The following GNPDA2 variants were observed in gnomAD, a reference collection of about 807,000 sequenced individuals.
The protein encoded by GNPDA2 is glucosamine-6-phosphate deaminase 2, also known as glcN6P deaminase 2.
A neutral mutation model predicts 27.0 loss-of-function variants in GNPDA2; 24 were observed. The observed-to-expected ratio is 0.89, with a 90% CI of 0.64 to 1.25. GNPDA2 has a LOEUF of 1.25. GNPDA2 is among the 50% of genes most tolerant of loss of function. The pLI is 0.00. For synonymous variants in GNPDA2, 94 were observed against 108.4 expected (o/e 0.87, Z 0.83); for missense variants, 286 against 335.1 (o/e 0.85, Z 1.14).
intron 1 of GNPDA2, among the ~76,000 whole-genome samples, chr4:44,723,623 C>A (rs1717821542): frequency 6.6e-6 from 1 of 152,156 alleles, no homozygotes; most frequent in African/African-American, 2.4e-5. Context: ...TTTATCCAAT[C>A]ATTCACTGAT....
rs183888303 is a variant in GNPDA2 at position 44,705,502 on chromosome 4, A to T, written c.769+2250T>A. The T allele has an allele frequency of 1.8e-4, 179 of 984,470 alleles. 1 individual carries two copies. The African/African-American group carries it at 2.1e-3, about 12-fold the overall frequency. The allele number at this position is 984,470 out of a possible 1,614,324, so 61.0% of individuals were successfully genotyped here. On this transcript the variant is annotated intron_variant, in intron 6 of 6. Transcript: ENST00000295448. ...CCTCTCACGAATGGTCTGTTTCAAA[A>T]TTTTTCAGAAGAGCTTACAATTAGA...
At chr4:44,719,978 T>A (rs754659482) in intron 2 of GNPDA2, among the ~76,000 whole-genome samples, 9 of 151,958 alleles carry the variant, frequency 5.9e-5, no homozygotes, top group Non-Finnish European at 1.0e-4. Flanking sequence ...ACATTATAAA[T>A]AATCTAAAAG....
rs1014549315 is a variant in GNPDA2, at chr4:44,702,096, T to A, written c.*985A>T. ...AATGAATGCAGGTTCACATGTACTATAATTGTTGGGAGTCGAATGCATGTA... is the reference window on the plus strand; with the variant it reads ...AATGAATGCAGGTTCACATGTACTAAAATTGTTGGGAGTCGAATGCATGTA... On this transcript the variant is annotated 3_prime_UTR_variant, in exon 7 of 7. Coordinates refer to ENST00000295448, the MANE Select transcript of GNPDA2 (RefSeq NM_138335.3). 1 of 982,758 alleles carries A rather than the reference T, an allele frequency of 1.0e-6. No homozygotes were observed. The highest frequency in any genetic ancestry group is 1.2e-6 in the Non-Finnish European group (1 of 827,280). 60.9% of individuals were successfully genotyped at this position (982,758 alleles called of 1,614,324 possible). A position where few individuals can be genotyped will look rare whatever the true frequency, so the allele number is the denominator to read the frequency against.
In GNPDA2 at chr4:44,717,056, T is replaced by TA. The variant is rs775921688; in HGVS notation, c.409+56dup. On this transcript the variant is annotated intron_variant, in intron 4 of 6. Coordinates refer to ENST00000295448, the MANE Select transcript of GNPDA2 (RefSeq NM_138335.3). ...AATGGGAAGATTTATTTTTTAAATT[T>TA]AAAAATCCCTAATTCAAACACTAAC... is the stretch of plus-strand genomic sequence containing the variant. 1.4e-5 allele frequency: 18 copies of TA among 1,261,106 alleles called. No homozygotes were observed. The East Asian group carries it at 4.1e-4, about 29-fold the overall frequency. The allele number at this position is 1,261,106 out of a possible 1,614,324, so 78.1% of individuals were successfully genotyped here. A position where few individuals can be genotyped will look rare whatever the true frequency, so the allele number is the denominator to read the frequency against.
At chr4:44,711,201 C>T (rs1019777993) in intron 4 of GNPDA2, 64 bp from the exon 5 acceptor site, 31 of 991,632 alleles carry the variant, frequency 3.1e-5, no homozygotes, top group South Asian at 6.1e-5. Flanking sequence ...GTTCAATGTG[C>T]GTTAAAGAAC....
chr4:44,723,655 A>G (rs1160595862), intron 1 of GNPDA2, among the ~76,000 whole-genome samples: 1 of 152,074 alleles, frequency 6.6e-6, no homozygotes, highest in Non-Finnish European at 1.5e-5. Flanking sequence ...TTGATTTCTT[A>G]TCTTTGCTAC....
chr4:44,701,808 G>A lies in GNPDA2; in HGVS notation c.*1273C>T. 1.0e-6 allele frequency: 1 copy of A among 983,786 alleles called. No individual in the cohort carries two copies. The highest frequency in any genetic ancestry group is 1.2e-6 in the Non-Finnish European group (1 of 828,592). The allele number at this position is 983,786 out of a possible 1,614,324, so 60.9% of individuals were successfully genotyped here. ...TTATAAGGCTATTAAAACATCATCT[G>A]GAATTAAAGCAGCATAATTTACCCC... On this transcript the variant is annotated 3_prime_UTR_variant, in exon 7 of 7. Transcript: ENST00000295448.
intron 1 of GNPDA2, among the ~76,000 whole-genome samples, chr4:44,724,757 G>T (rs1717907886): frequency 1.3e-5 from 2 of 151,996 alleles, no homozygotes; most frequent in Non-Finnish European, 2.9e-5. Flanking sequence ...TAACAGTTTC[G>T]AATTCTGACA....
chr4:44,715,254 C>A (rs546128839), intron 4 of GNPDA2, among the ~76,000 whole-genome samples: 13 of 152,190 alleles, frequency 8.5e-5, no homozygotes, highest in African/African-American at 2.9e-4. Context: ...GGAAGGCAGG[C>A]AAAGGAATAA....
chr4:44,707,742 C>A lies in GNPDA2; in HGVS notation c.769+10G>T. 1 of 1,608,738 alleles carries A rather than the reference C, an allele frequency of 6.2e-7. No individual in the cohort carries two copies. Among genetic ancestry groups the A allele is most frequent in the Non-Finnish European group, 8.5e-7 (1 of 1,176,376 alleles). On this transcript the variant is annotated intron_variant, in intron 6 of 6. Transcript: ENST00000295448. ...ATTATCTCAGTCGGCTTTTGAAATTCAGTGCTCACCTTTAAAGTATTTCAC... is the reference window on the plus strand; with the variant it reads ...ATTATCTCAGTCGGCTTTTGAAATTAAGTGCTCACCTTTAAAGTATTTCAC...
rs778540988 is a variant in GNPDA2 at position 44,723,674 on chromosome 4, T to C, written c.-35-1432A>G. Among the ~76,000 whole-genome samples, 4 of 152,262 alleles carry C rather than the reference T, an allele frequency of 2.6e-5. No homozygotes were observed. The South Asian group carries it at 8.3e-4, about 32-fold the overall frequency. On this transcript the variant is annotated intron_variant, in intron 1 of 6. Coordinates refer to ENST00000295448, the MANE Select transcript of GNPDA2 (RefSeq NM_138335.3). ...TTTCTTATCTTTGCTACTGTTGTTA[T>C]TGGAAGGAAGGTCATGAGTGTGAGG...
rs1315299051 is a variant in GNPDA2, at chr4:44,701,997, AT to A, written c.*1083del. ...GAAATGCAAAATAAGCAAAAGGAGC[AT>A]TTTTTTGCTCCCCACAGAGGCAAAG... On this transcript the variant is annotated 3_prime_UTR_variant, in exon 7 of 7. Transcript: ENST00000295448. 1.7e-5 allele frequency: 17 copies of A among 985,048 alleles called. No individual in the cohort carries two copies. In the Admixed American group the frequency reaches 1.8e-4, roughly 11 times the overall value. 61.0% of individuals were successfully genotyped at this position (985,048 alleles called of 1,614,324 possible).
intron 6 of GNPDA2, chr4:44,704,021 A>AAT: frequency 1.0e-6 from 1 of 985,188 alleles, no homozygotes; most frequent in Non-Finnish European, 1.2e-6. Flanking sequence ...TGGATTGGAG[A>AAT]GATAGGTTGC....
At position 44,726,097 on chromosome 4, in the gene GNPDA2, G is replaced by C. The variant is rs372143953; in HGVS notation, c.-36+377C>G. ...GCAAAGAAGGCTGTGGTTCCTGCCCGGGAGGCGGGGGCTGCAGATTCCCCT... is the reference window on the plus strand; with the variant it reads ...GCAAAGAAGGCTGTGGTTCCTGCCCCGGAGGCGGGGGCTGCAGATTCCCCT... On this transcript the variant is annotated intron_variant, in intron 1 of 6. Coordinates refer to ENST00000295448, the MANE Select transcript of GNPDA2 (RefSeq NM_138335.3). Among the ~76,000 whole-genome samples, 8 of 152,170 alleles carry C rather than the reference G, an allele frequency of 5.3e-5. No homozygotes were observed. The East Asian group carries it at 9.7e-4, about 18-fold the overall frequency.
rs1369281979 is a variant in GNPDA2 at position 44,702,475 on chromosome 4, C to A, written c.*606G>T. The A allele has an allele frequency of 9.2e-6, 9 of 981,760 alleles. No individual in the cohort carries two copies. Among genetic ancestry groups the A allele is most frequent in the Non-Finnish European group, 1.1e-5 (9 of 826,328 alleles). The allele number at this position is 981,760 out of a possible 1,614,324, so 60.8% of individuals were successfully genotyped here. A position where few individuals can be genotyped will look rare whatever the true frequency, so the allele number is the denominator to read the frequency against. ...GCTATAGAAGAAGGTGCACAAAAAACATGCACTTACACATACTTTCCAAAA... is the reference window on the plus strand; with the variant it reads ...GCTATAGAAGAAGGTGCACAAAAAAAATGCACTTACACATACTTTCCAAAA... On this transcript the variant is annotated 3_prime_UTR_variant, in exon 7 of 7. Coordinates refer to ENST00000295448, the MANE Select transcript of GNPDA2 (RefSeq NM_138335.3).
At chr4:44,704,317 A>C in intron 6 of GNPDA2, 1 of 972,018 alleles carries the variant, frequency 1.0e-6, no homozygotes, top group Non-Finnish European at 1.2e-6. Flanking sequence ...TGTATGATTT[A>C]GAAGATGCAA....
At chr4:44,709,424 C>G (rs905603670) in intron 5 of GNPDA2, among the ~76,000 whole-genome samples, 2 of 152,080 alleles carry the variant, frequency 1.3e-5, no homozygotes, top group Non-Finnish European at 2.9e-5. Flanking sequence ...AAAGGACAAA[C>G]TATATGGAAT....
intron 5 of GNPDA2, among the ~76,000 whole-genome samples, chr4:44,708,705 C>T (rs1013979445): frequency 1.3e-5 from 2 of 152,130 alleles, no homozygotes; most frequent in Non-Finnish European, 2.9e-5. Context: ...CATCTACACA[C>T]ATATTTTTGT....
chr4:44,703,235 T>G (rs1716384009), intron 6 of GNPDA2, 93 bp from the exon 7 acceptor site: 1 of 1,488,062 alleles, frequency 6.7e-7, no homozygotes, highest in Non-Finnish European at 8.9e-7. Flanking sequence ...TAAGACACAG[T>G]AAGCCTGTTT....
Sources: gnomAD v4.1 joint callset for allele counts (sites outside exome capture counted in the v4.1 genomes callset) on GRCh38, gnomAD v4.1.1 for gene constraint, MANE v1.5 for transcripts, NCBI Gene and HGNC (gene_info 2026-07-23, HGNC 2026-07-21) for gene names.